Variants in PDE8B observed in about 807,000 individuals in gnomAD.
The protein encoded by PDE8B is phosphodiesterase 8B.
In PDE8B, 26 loss-of-function variants were observed where a neutral mutation model predicts 101.3. The ratio of observed to expected loss-of-function variants is 0.26; its 90% CI spans 0.19 to 0.36. The LOEUF is 0.36. PDE8B is among the 10% of genes least tolerant of loss of function. The probability of loss-of-function intolerance (pLI) is 1.00; values close to 1 mark genes in which losing one functional copy is unlikely to be tolerated. For synonymous variants in PDE8B, 424 were observed against 429.3 expected, an observed-to-expected ratio of 0.99 and a Z score of 0.15; for missense variants, 810 against 1,163.1, an observed-to-expected ratio of 0.70 and a Z score of 4.42.
the PDE8B span, among the ~76,000 whole-genome samples, chr5:77,098,282 C>CT: frequency 7.7e-4 from 109 of 141,088 alleles, no homozygotes; most frequent in East Asian, 2.1e-3. Flanking sequence ...CCACCTTCCT[C>CT]TTTTTTTTTT....
chr5:77,164,748 A>G, the PDE8B span, among the ~76,000 whole-genome samples: 1 of 152,182 alleles, frequency 6.6e-6, no homozygotes, highest in Admixed American at 6.5e-5. Context: ...GCATTTGTAT[A>G]TATGTGTGTT....
chr5:77,139,486 G>C, the PDE8B span: 1 of 152,200 alleles, frequency 6.6e-6, no homozygotes, highest in Non-Finnish European at 1.5e-5. Context: ...TGTCAATCTA[G>C]GAATTCCTGT....
intron 20 of PDE8B, among the ~76,000 whole-genome samples, chr5:77,422,744 C>T (rs62362530): frequency 0.096 from 14,677 of 152,112 alleles, 823 homozygotes; most frequent in South Asian, 0.14. Flanking sequence ...GACAAACAAG[C>T]AGCCACAAGT....
chr5:77,107,617 T>G, the PDE8B span, among the ~76,000 whole-genome samples: 1 of 152,186 alleles, frequency 6.6e-6, no homozygotes, highest in Non-Finnish European at 1.5e-5. Flanking sequence ...GGGAGAGGTA[T>G]TCAGTCTTTC....
chr5:77,187,329 C>T, the PDE8B span, among the ~76,000 whole-genome samples: 1 of 152,166 alleles, frequency 6.6e-6, no homozygotes, highest in Non-Finnish European at 1.5e-5. Context: ...TGCAAAGTAG[C>T]AGCCAAGTGC....
At chr5:77,159,310 G>A in the PDE8B span, among the ~76,000 whole-genome samples, 10 of 152,162 alleles carry the variant, frequency 6.6e-5, no homozygotes, top group Admixed American at 6.5e-4. Flanking sequence ...TTGAGTCGGT[G>A]GGCTGCGGGA....
chr5:77,390,454 C>T (rs1463563248), intron 10 of PDE8B, among the ~76,000 whole-genome samples: 1 of 152,170 alleles, frequency 6.6e-6, no homozygotes, highest in Non-Finnish European at 1.5e-5. Flanking sequence ...AGCACTAAAG[C>T]CTTCGGTTTC....
intron 1 of PDE8B, among the ~76,000 whole-genome samples, chr5:77,293,081 A>G (rs1408554253): frequency 6.6e-6 from 1 of 152,132 alleles, no homozygotes; most frequent in Non-Finnish European, 1.5e-5. Context: ...AGTTATCTCA[A>G]TATTATTATT....
intron 1 of PDE8B, among the ~76,000 whole-genome samples, chr5:77,285,416 T>G (rs1162393213): frequency 1.3e-5 from 2 of 152,226 alleles, no homozygotes; most frequent in Non-Finnish European, 2.9e-5. Context: ...CAGAAATGTC[T>G]TAACTTGAAA....
At chr5:77,180,967 C>CGTGTGTGTGTGTGTGT in the PDE8B span, among the ~76,000 whole-genome samples, 97 of 147,634 alleles carry the variant, frequency 6.6e-4, no homozygotes, top group Middle Eastern at 3.5e-3. Flanking sequence ...GGTGTGTACA[C>CGTGTGTGTGTGTGTGT]GTGTGTGTGT....
At chr5:77,378,009 T>TCCAC (rs1213489921) in intron 10 of PDE8B, among the ~76,000 whole-genome samples, 79 of 134,484 alleles carry the variant, frequency 5.9e-4, no homozygotes, top group African/African-American at 2.2e-3. Flanking sequence ...CCTCTCTCTC[T>TCCAC]ACACACACAC....
At chr5:77,412,630 G>A (rs1428608715) in intron 16 of PDE8B, among the ~76,000 whole-genome samples, 1 of 151,966 alleles carries the variant, frequency 6.6e-6, no homozygotes, top group African/African-American at 2.4e-5. Flanking sequence ...TATACTAGGA[G>A]AAGGCTGTTT....
chr5:77,208,395 T>C (rs2149359166), upstream of PDE8B, among the ~76,000 whole-genome samples: 1 of 152,354 alleles, frequency 6.6e-6, no homozygotes, highest in East Asian at 1.9e-4. Flanking sequence ...CTATATGCAT[T>C]ATCACAGGTA....
At chr5:77,378,819 C>T (rs565869871) in intron 10 of PDE8B, among the ~76,000 whole-genome samples, 13 of 152,324 alleles carry the variant, frequency 8.5e-5, no homozygotes, top group Middle Eastern at 3.4e-3. Context: ...TGGGGCCTAT[C>T]AGTTGGTTTT....
At chr5:77,336,679 A>G (rs529305464) in intron 5 of PDE8B, among the ~76,000 whole-genome samples, 2 of 152,332 alleles carry the variant, frequency 1.3e-5, no homozygotes, top group African/African-American at 4.8e-5. Context: ...TGATGCTGCT[A>G]TGAACACACA....
chr5:77,290,961 G>A (rs1767184970), intron 1 of PDE8B: 2 of 1,611,750 alleles, frequency 1.2e-6, no homozygotes, highest in Admixed American at 3.3e-5. Context: ...TACCGGCACA[G>A]CAATGGCCAA....
intron 8 of PDE8B, among the ~76,000 whole-genome samples, chr5:77,350,029 A>C (rs1476296311): frequency 6.6e-6 from 1 of 152,158 alleles, no homozygotes; most frequent in East Asian, 1.9e-4. Context: ...CTGTTCCTCC[A>C]GTGGCTTCCC....
At chr5:77,273,720 G>A (rs1401193934) in intron 1 of PDE8B, among the ~76,000 whole-genome samples, 1 of 152,024 alleles carries the variant, frequency 6.6e-6, no homozygotes, top group African/African-American at 2.4e-5. Context: ...ATTTGAGGTG[G>A]ACAAAATAGT....
intron 1 of PDE8B, among the ~76,000 whole-genome samples, chr5:77,311,768 C>T (rs1182336267): frequency 6.6e-6 from 1 of 151,406 alleles, no homozygotes; most frequent in East Asian, 2.0e-4. Flanking sequence ...GGGGATGTAT[C>T]CTTAAAGACA....
Sources: allele counts gnomAD v4.1 joint callset (sites outside exome capture counted in the v4.1 genomes callset), GRCh38; gene constraint gnomAD v4.1.1; transcripts MANE v1.5; gene names NCBI Gene and HGNC (gene_info 2026-07-23, HGNC 2026-07-21).